The following GLIPR1 variants were observed in gnomAD, a reference collection of about 807,000 sequenced individuals.
GLIPR1 encodes the protein GLI pathogenesis related 1.
In GLIPR1, 38 loss-of-function variants were observed where a neutral mutation model predicts 30.3. The ratio of observed to expected loss-of-function variants is 1.26; its 90% CI spans 0.97 to 1.65. The LOEUF (loss-of-function observed/expected upper bound fraction) is 1.65. GLIPR1 is among the 40% of genes most tolerant of loss of function. The pLI is 0.00. For synonymous variants in GLIPR1, 122 were observed against 110.6 expected, an observed-to-expected ratio of 1.10 and a Z score of -0.65; for missense variants, 285 against 326.5, an observed-to-expected ratio of 0.87 and a Z score of 0.98.
In GLIPR1 at chr12:75,503,838, A is replaced by G; in HGVS notation, c.*4860A>G. 3 of 1,400,228 alleles carry G rather than the reference A, an allele frequency of 2.1e-6. No individual in the cohort carries two copies. The highest frequency in any genetic ancestry group is 2.9e-6 in the Non-Finnish European group (3 of 1,024,134). 86.7% of individuals were successfully genotyped at this position (1,400,228 alleles called of 1,614,324 possible). On this transcript the variant is annotated 3_prime_UTR_variant, in exon 6 of 6. Coordinates refer to ENST00000266659, the MANE Select transcript of GLIPR1 (RefSeq NM_006851.3). ...ATATCCCACCTGAAATACTTTCAAT[A>G]AAGTTTCTGACCAAATACATTAAAA...
At chr12:75,486,736 A>C (rs560639377) in intron 2 of GLIPR1, among the ~76,000 whole-genome samples, 27 of 152,366 alleles carry the variant, frequency 1.8e-4, no homozygotes, top group African/African-American at 6.5e-4. Flanking sequence ...AGCTATATTT[A>C]GACTGATTCC....
intron 4 of GLIPR1, 162 bp downstream of exon 4, chr12:75,495,824 A>T: frequency 2.2e-6 from 1 of 452,272 alleles, no homozygotes; most frequent in Non-Finnish European, 4.1e-6. Context: ...GAATACATTT[A>T]AGAGAAATTT....
intron 3 of GLIPR1, chr12:75,492,410 C>G (rs1326492899): frequency 6.6e-6 from 1 of 152,186 alleles, no homozygotes; most frequent in African/African-American, 2.4e-5. Context: ...GGTTAAGATA[C>G]AATTAATTTA....
intron 2 of GLIPR1, among the ~76,000 whole-genome samples, chr12:75,482,934 T>G (rs1402903704): frequency 2.0e-5 from 3 of 152,052 alleles, no homozygotes; most frequent in Non-Finnish European, 2.9e-5. Context: ...TTGACTGTTT[T>G]GGGGCACAAA....
At chr12:75,489,273 G>A (rs919995401) in intron 2 of GLIPR1, among the ~76,000 whole-genome samples, 4 of 152,152 alleles carry the variant, frequency 2.6e-5, no homozygotes, top group East Asian at 1.9e-4. Flanking sequence ...ATGTAACAGC[G>A]CAGGTCTCTC....
chr12:75,480,835 G>T lies in GLIPR1; in HGVS notation c.-46G>T. 6.7e-7 allele frequency: 1 copy of T among 1,493,870 alleles called. No individual in the cohort carries two copies. Among genetic ancestry groups the T allele is most frequent in the Non-Finnish European group, 9.1e-7 (1 of 1,095,386 alleles). The allele number at this position is 1,493,870 out of a possible 1,614,324, so 92.5% of individuals were successfully genotyped here. A position where few individuals can be genotyped will look rare whatever the true frequency, so the allele number is the denominator to read the frequency against. ...AGGCAATCACACTCTCAGAAACTGC[G>T]GCGGCTCTGGACTGCAGCCTCCCAA... On this transcript the variant is annotated 5_prime_UTR_variant, in exon 1 of 6. Transcript: ENST00000266659.
At position 75,495,678 on chromosome 12, in the gene GLIPR1, A is replaced by C. The variant is rs1594061547; in HGVS notation, c.619+16A>C. 2.2e-6 allele frequency: 3 copies of C among 1,347,314 alleles called. No individual in the cohort carries two copies. The highest frequency in any genetic ancestry group is 3.2e-6 in the Non-Finnish European group (3 of 938,356). The allele number at this position is 1,347,314 out of a possible 1,614,324, so 83.5% of individuals were successfully genotyped here. ...AATCTCTGTGGTGAGTAAAAGGAACAATACACCAATAGAATAACATAATAG... is the reference window on the plus strand; with the variant it reads ...AATCTCTGTGGTGAGTAAAAGGAACCATACACCAATAGAATAACATAATAG... On this transcript the variant is annotated intron_variant, in intron 4 of 5. Coordinates refer to ENST00000266659, the MANE Select transcript of GLIPR1 (RefSeq NM_006851.3).
At chr12:75,495,797 A>G (rs2046347024) in intron 4 of GLIPR1, 135 bp downstream of exon 4, 1 of 569,126 alleles carries the variant, frequency 1.8e-6, no homozygotes, top group South Asian at 2.5e-5. Flanking sequence ...AATTAAACCA[A>G]TGGCTTACTG....
Position 75,502,376 on chromosome 12 carries a change from C to A in GLIPR1, c.*3398C>A. The A allele has an allele frequency of 6.2e-6, 1 of 162,452 alleles. No individual in the cohort carries two copies. Among genetic ancestry groups the A allele is most frequent in the Non-Finnish European group, 1.3e-5 (1 of 75,044 alleles). The allele number at this position is 162,452 out of a possible 1,614,324, so 10.1% of individuals were successfully genotyped here. ...TAGGTTTCTGAGAAGACTGTAAAGA[C>A]CAAAGAATAATTTTAATGGAGAGGA... On this transcript the variant is annotated 3_prime_UTR_variant, in exon 6 of 6. Transcript: ENST00000266659.
chr12:75,497,845 A>AGAT (rs1329903293), intron 4 of GLIPR1: 3 of 152,202 alleles, frequency 2.0e-5, no homozygotes, highest in African/African-American at 7.2e-5. Flanking sequence ...GCTAGTTCAC[A>AGAT]GATGTACATT....
At position 75,480,884 on chromosome 12, in the gene GLIPR1, C is replaced by T. The variant is rs778155968; in HGVS notation, c.4C>T (p.Arg2Cys). The change falls in exon 1 of 6, where the codon CGT becomes TGT. Residue 2 changes from arginine to cysteine, a missense_variant. Coordinates refer to ENST00000266659, the MANE Select transcript of GLIPR1 (RefSeq NM_006851.3). ...AAGGCTCCATGCCAGACAAAGCATGCGTGTCACACTTGCTACAATAGCCTG... is the reference window on the plus strand; with the variant it reads ...AAGGCTCCATGCCAGACAAAGCATGTGTGTCACACTTGCTACAATAGCCTG... M[R>C]VTLATIAWMV... 1.1e-5 allele frequency: 18 copies of T among 1,606,978 alleles called. No individual in the cohort carries two copies. Among genetic ancestry groups the T allele is most frequent in the African/African-American group, 1.1e-4 (8 of 74,764 alleles).
rs376955252 is a variant in GLIPR1, at chr12:75,501,740, A to G, written c.*2762A>G. 3.7e-6 allele frequency: 6 copies of G among 1,607,710 alleles called. No homozygotes were observed. Among genetic ancestry groups the G allele is most frequent in the Middle Eastern group, 1.7e-4 (1 of 6,054 alleles). On this transcript the variant is annotated 3_prime_UTR_variant, in exon 6 of 6. Coordinates refer to ENST00000266659, the MANE Select transcript of GLIPR1 (RefSeq NM_006851.3). ...AGCATTACCTTCCTTAGGTTTCACA[A>G]TTGGTTTTTCCTTAGGTGGAATAAA...
chr12:75,496,825 T>G (rs2046354703), intron 4 of GLIPR1: 1 of 152,188 alleles, frequency 6.6e-6, no homozygotes, highest in Non-Finnish European at 1.5e-5. Flanking sequence ...AACTGCTTGC[T>G]CTCCTCCTTC....
chr12:75,502,908 A>C lies in GLIPR1; in HGVS notation c.*3930A>C, dbSNP rs1697752. The C allele has an allele frequency of 0.62, 94,274 of 151,842 alleles. 29,445 individuals carry two copies. The highest frequency in any genetic ancestry group is 0.67 in the South Asian group (3,252 of 4,822). 9.4% of individuals were successfully genotyped at this position (151,842 alleles called of 1,614,324 possible). The stretch of plus-strand genomic sequence containing the variant: ...ACTATCAATTTCCTCCATGATCCAA[A>C]ACTTCCATTGTTTTTTCACTATGAT... On this transcript the variant is annotated 3_prime_UTR_variant, in exon 6 of 6. Coordinates refer to ENST00000266659, the MANE Select transcript of GLIPR1 (RefSeq NM_006851.3).
At position 75,501,838 on chromosome 12, in the gene GLIPR1, A is replaced by T; in HGVS notation, c.*2860A>T. On this transcript the variant is annotated 3_prime_UTR_variant, in exon 6 of 6. Transcript: ENST00000266659. ...TAGCCTACATTAATAAATAAAAAAT[A>T]TATCAGTTAAATGTATTTATAGTTA... 2.5e-6 allele frequency: 4 copies of T among 1,573,944 alleles called. No individual in the cohort carries two copies. The highest frequency in any genetic ancestry group is 3.5e-6 in the Non-Finnish European group (4 of 1,153,148).
In GLIPR1 at chr12:75,499,699, A is replaced by ACCACC; in HGVS notation, c.*721_*722insCCACC. 1.1e-5 allele frequency: 1 copy of ACCACC among 94,682 alleles called. No individual in the cohort carries two copies. Among genetic ancestry groups the ACCACC allele is most frequent in the Non-Finnish European group, 2.1e-5 (1 of 46,740 alleles). 5.9% of individuals were successfully genotyped at this position (94,682 alleles called of 1,614,324 possible). ...TCTTCTATGAACAACCACCACCACC[A>ACCACC]AAAAAAAAAAAAGCCCTCAGAAAAT... On this transcript the variant is annotated 3_prime_UTR_variant, in exon 6 of 6. Coordinates refer to ENST00000266659, the MANE Select transcript of GLIPR1 (RefSeq NM_006851.3).
intron 3 of GLIPR1, chr12:75,491,040 A>T: frequency 6.6e-6 from 1 of 152,454 alleles, no homozygotes; most frequent in African/African-American, 2.4e-5. Context: ...AAACTTACAT[A>T]TGTGTGCTTG....
chr12:75,490,349 C>A, intron 2 of GLIPR1, 57 bp from the exon 3 acceptor site: 1 of 961,268 alleles, frequency 1.0e-6, no homozygotes, highest in Non-Finnish European at 1.7e-6. Flanking sequence ...AAGACCTAAT[C>A]ATACCCAATG....
rs1480263188 is a variant in GLIPR1 at position 75,498,834 on chromosome 12, T to G, written c.657T>G (p.Ser219=). 2.9e-5 allele frequency: 47 copies of G among 1,612,478 alleles called. No homozygotes were observed. Among genetic ancestry groups the G allele is most frequent in the African/African-American group, 4.0e-5 (3 of 74,830 alleles). ...ATGTTTGTTTCACAGGTTACTACTC[T>G]GTTGTATATCCAGGCTGGCCCATAT... is the stretch of plus-strand genomic sequence containing the variant. ...RQRDQVKRYY[S]VVYPGWPIYP... Residue 219 remains serine (S), a synonymous_variant, in exon 6 of 6, where the codon TCT becomes TCG. Transcript: ENST00000266659.
Sources: gnomAD v4.1 joint callset for allele counts (sites outside exome capture counted in the v4.1 genomes callset) on GRCh38, gnomAD v4.1.1 for gene constraint, MANE v1.5 for transcripts, NCBI Gene and HGNC (gene_info 2026-07-23, HGNC 2026-07-21) for gene names.